The following PDLIM5 variants were observed in gnomAD, a reference collection of about 807,000 sequenced individuals.
The protein encoded by PDLIM5 is PDZ and LIM domain 5.
Under a neutral mutation model 64.2 loss-of-function variants are expected in PDLIM5, and 34 were observed. The ratio of observed to expected loss-of-function variants is 0.53; its 90% CI spans 0.40 to 0.71. The LOEUF (loss-of-function observed/expected upper bound fraction) is 0.71, where lower values mean the gene tolerates loss of function less well. PDLIM5 is among the 30% of genes least tolerant of loss of function. The pLI is 0.00. For synonymous variants in PDLIM5, 253 were observed against 269.1 expected (o/e 0.94, Z 0.59); for missense variants, 683 against 733.6 (o/e 0.93, Z 0.80).
intron 1 of PDLIM5, 86 bp from the exon 2 acceptor site, chr4:94,455,161 C>G: frequency 1.7e-6 from 1 of 601,892 alleles, no homozygotes; most frequent in Non-Finnish European, 3.0e-6. Flanking sequence ...TATCCTCTCA[C>G]CCCCCTCAAA....
chr4:94,490,618 G>T (rs1726783684), intron 2 of PDLIM5, among the ~76,000 whole-genome samples: 1 of 151,978 alleles, frequency 6.6e-6, no homozygotes, highest in South Asian at 2.1e-4. Flanking sequence ...TTTAATGTAG[G>T]CTGGTATTAA....
intron 9 of PDLIM5, among the ~76,000 whole-genome samples, chr4:94,643,618 A>G (rs2110465768): frequency 6.6e-6 from 1 of 152,302 alleles, no homozygotes; most frequent in Middle Eastern, 3.4e-3. Context: ...TGTGAAAGAA[A>G]TAAGGGGCTT....
intron 2 of PDLIM5, among the ~76,000 whole-genome samples, chr4:94,511,959 T>C (rs1268499683): frequency 6.6e-6 from 1 of 151,366 alleles, no homozygotes; most frequent in Non-Finnish European, 1.5e-5. Flanking sequence ...ATCTCTTCAA[T>C]ATACTGACTT....
chr4:94,648,253 G>T (rs1318372533), intron 9 of PDLIM5, among the ~76,000 whole-genome samples: 1 of 151,860 alleles, frequency 6.6e-6, no homozygotes, highest in African/African-American at 2.4e-5. Context: ...ACAAACATTG[G>T]CTAAACTACC....
chr4:94,529,205 A>G (rs749584520), intron 3 of PDLIM5, among the ~76,000 whole-genome samples: 1 of 152,180 alleles, frequency 6.6e-6, no homozygotes, highest in Non-Finnish European at 1.5e-5. Flanking sequence ...GAAATAACTT[A>G]CAGTCACGGA....
intron 7 of PDLIM5, chr4:94,611,208 G>T: frequency 6.5e-7 from 1 of 1,533,076 alleles, no homozygotes; most frequent in South Asian, 1.2e-5. Flanking sequence ...AAGGTACTGT[G>T]GGAGCAGATA....
chr4:94,577,181 T>G (rs753989519), intron 5 of PDLIM5: 1 of 456,900 alleles, frequency 2.2e-6, no homozygotes. Context: ...AGGGAAATAG[T>G]CTACAGGCCT....
chr4:94,542,763 G>C (rs923901370), intron 3 of PDLIM5, among the ~76,000 whole-genome samples: 1 of 152,014 alleles, frequency 6.6e-6, no homozygotes, highest in African/African-American at 2.4e-5. Context: ...CTATTTAATA[G>C]GAGCGAATGC....
At chr4:94,587,021 A>G in intron 7 of PDLIM5, 1 of 1,608,816 alleles carries the variant, frequency 6.2e-7, no homozygotes, top group Non-Finnish European at 8.5e-7. Flanking sequence ...TTTAGTCCCA[A>G]ATACACAAAA....
chr4:94,508,141 T>C (rs1034582212), intron 2 of PDLIM5, among the ~76,000 whole-genome samples: 1 of 151,666 alleles, frequency 6.6e-6, no homozygotes, highest in Non-Finnish European at 1.5e-5. Context: ...CATAAGAACA[T>C]TTCCTTTCCA....
chr4:94,581,225 T>A (rs149327908), intron 5 of PDLIM5, among the ~76,000 whole-genome samples: 1 of 152,282 alleles, frequency 6.6e-6, no homozygotes, highest in African/African-American at 2.4e-5. Flanking sequence ...ACTATTCCAT[T>A]TGGGCACATT....
At chr4:94,510,204 A>G (rs1728749666) in intron 2 of PDLIM5, among the ~76,000 whole-genome samples, 1 of 152,208 alleles carries the variant, frequency 6.6e-6, no homozygotes, top group Non-Finnish European at 1.5e-5. Context: ...TAGAAAAGGT[A>G]GATTATTCCC....
intron 3 of PDLIM5, among the ~76,000 whole-genome samples, chr4:94,542,034 G>A (rs1176034057): frequency 6.6e-6 from 1 of 152,144 alleles, no homozygotes; most frequent in Non-Finnish European, 1.5e-5. Flanking sequence ...AGGCCCGGCT[G>A]GGCATGGTGG....
At chr4:94,631,913 C>T (rs1391933159) in intron 8 of PDLIM5, among the ~76,000 whole-genome samples, 3 of 152,326 alleles carry the variant, frequency 2.0e-5, no homozygotes, top group East Asian at 1.9e-4. Flanking sequence ...ACTCAAATGT[C>T]GTCAATATGT....
intron 5 of PDLIM5, chr4:94,577,277 G>A (rs565291843): frequency 6.6e-6 from 3 of 456,732 alleles, no homozygotes; most frequent in South Asian, 1.5e-5. Flanking sequence ...AATCCCTTCT[G>A]AATGTTAATT....
intron 3 of PDLIM5, among the ~76,000 whole-genome samples, chr4:94,537,611 G>C (rs2110173075): frequency 6.6e-6 from 1 of 152,194 alleles, no homozygotes; most frequent in East Asian, 1.9e-4. Context: ...TAGGAATTTA[G>C]TAAGTAAAGC....
At chr4:94,472,155 C>T (rs999423801) in intron 2 of PDLIM5, among the ~76,000 whole-genome samples, 1 of 151,968 alleles carries the variant, frequency 6.6e-6, no homozygotes, top group African/African-American at 2.4e-5. Flanking sequence ...TTAATACACA[C>T]ACACACGCGC....
At chr4:94,510,522 G>A (rs973629065) in intron 2 of PDLIM5, among the ~76,000 whole-genome samples, 1 of 152,006 alleles carries the variant, frequency 6.6e-6, no homozygotes, top group East Asian at 1.9e-4. Context: ...ATACGAAAAC[G>A]CAGACCTTTT....
chr4:94,615,503 G>A (rs558803454), intron 7 of PDLIM5, among the ~76,000 whole-genome samples: 11 of 152,204 alleles, frequency 7.2e-5, no homozygotes, highest in East Asian at 1.9e-4. Flanking sequence ...GAGGTACCTC[G>A]TATATAGAAT....
Sources: gnomAD v4.1 joint callset for allele counts (sites outside exome capture counted in the v4.1 genomes callset) on GRCh38, gnomAD v4.1.1 for gene constraint, MANE v1.5 for transcripts, NCBI Gene and HGNC (gene_info 2026-07-23, HGNC 2026-07-21) for gene names.